Variants in KGD4 observed in about 807,000 individuals in gnomAD.
The protein encoded by KGD4 is alpha-ketoglutarate dehydrogenase component 4.
the KGD4 span, chr5:69,229,339 AAAT>A: frequency 1.2e-6 from 1 of 854,232 alleles, no homozygotes; most frequent in African/African-American, 1.7e-5. Flanking sequence ...ATTATGAAAA[AAAT>A]GAAATATAGA....
chr5:69,220,314 G>C, the KGD4 span, among the ~76,000 whole-genome samples: 16 of 152,028 alleles, frequency 1.1e-4, no homozygotes, highest in Non-Finnish European at 2.2e-4. Flanking sequence ...AAGACTGATT[G>C]GTACAAACTG....
chr5:69,219,337 A>G, the KGD4 span, among the ~76,000 whole-genome samples: 22 of 152,110 alleles, frequency 1.4e-4, no homozygotes, highest in East Asian at 7.7e-4. Flanking sequence ...ATGTTCACAG[A>G]AAAAAAAGAG....
At chr5:69,221,754 T>C in the KGD4 span, among the ~76,000 whole-genome samples, 2 of 152,056 alleles carry the variant, frequency 1.3e-5, no homozygotes, top group Non-Finnish European at 2.9e-5. Flanking sequence ...GAAAAATTAA[T>C]TGATAAGCTG....
At chr5:69,221,450 T>A in the KGD4 span, among the ~76,000 whole-genome samples, 1 of 152,164 alleles carries the variant, frequency 6.6e-6, no homozygotes, top group East Asian at 1.9e-4. Context: ...GAGGCATAGC[T>A]AAAACTAAGA....
chr5:69,227,126 C>T, the KGD4 span, among the ~76,000 whole-genome samples: 4 of 152,146 alleles, frequency 2.6e-5, no homozygotes, highest in Non-Finnish European at 5.9e-5. Flanking sequence ...CTGCCTCCGC[C>T]TCCCAAAGTG....
At chr5:69,227,187 A>T in the KGD4 span, among the ~76,000 whole-genome samples, 1 of 152,106 alleles carries the variant, frequency 6.6e-6, no homozygotes, top group Non-Finnish European at 1.5e-5. Flanking sequence ...CCCCTATTTT[A>T]AAAGGTAGTG....
the KGD4 span, chr5:69,217,865 C>T: frequency 2.5e-6 from 4 of 1,613,886 alleles, no homozygotes; most frequent in South Asian, 4.4e-5. Context: ...CTAGTAGGGT[C>T]GTTCAGGTAA....
the KGD4 span, among the ~76,000 whole-genome samples, chr5:69,219,600 A>G: frequency 6.6e-5 from 10 of 152,226 alleles, no homozygotes; most frequent in Non-Finnish European, 1.0e-4. Flanking sequence ...TGAGATATAC[A>G]GTAAGGAATG....
At chr5:69,224,389 CA>C in the KGD4 span, among the ~76,000 whole-genome samples, 215 of 138,018 alleles carry the variant, frequency 1.6e-3, 1 homozygote, top group Non-Finnish European at 2.0e-3. Context: ...GACTCCATCT[CA>C]AAAAAAAAAA....
chr5:69,218,152 C>T, the KGD4 span: 1 of 524,904 alleles, frequency 1.9e-6, no homozygotes. Flanking sequence ...CGCTCCTCCG[C>T]CAGGACCTTG....
chr5:69,224,156 C>T, the KGD4 span, among the ~76,000 whole-genome samples: 3 of 152,152 alleles, frequency 2.0e-5, no homozygotes, highest in South Asian at 2.1e-4. Context: ...TTTGGGAAGC[C>T]GAAGCAGGTG....
chr5:69,226,284 A>G, the KGD4 span: 17 of 1,252,816 alleles, frequency 1.4e-5, no homozygotes, highest in Non-Finnish European at 2.0e-5. Context: ...GGTTTAGTAG[A>G]TCATTTCTTT....
At chr5:69,229,286 A>T in the KGD4 span, 1 of 1,424,882 alleles carries the variant, frequency 7.0e-7, no homozygotes, top group African/African-American at 1.4e-5. Context: ...AGGACTTCCA[A>T]AATGACAGAT....
chr5:69,226,246 TAATTTTAAC>T, the KGD4 span: 1 of 867,418 alleles, frequency 1.2e-6, no homozygotes, highest in Non-Finnish European at 1.9e-6. Flanking sequence ...TGTAAAATAG[TAATTTTAAC>T]AAACGTATCT....
At chr5:69,222,607 T>C in the KGD4 span, among the ~76,000 whole-genome samples, 2 of 152,154 alleles carry the variant, frequency 1.3e-5, no homozygotes. Flanking sequence ...GGGAGTCTCA[T>C]CTTCTTGCTC....
At chr5:69,225,108 C>T in the KGD4 span, among the ~76,000 whole-genome samples, 1 of 150,354 alleles carries the variant, frequency 6.7e-6, no homozygotes, top group Non-Finnish European at 1.5e-5. Flanking sequence ...AGTAAATTTC[C>T]AGTGTTTTTT....
the KGD4 span, among the ~76,000 whole-genome samples, chr5:69,226,120 G>A: frequency 3.9e-5 from 6 of 152,182 alleles, no homozygotes; most frequent in African/African-American, 1.4e-4. Flanking sequence ...GTACACCTTC[G>A]ATAGTACAAT....
chr5:69,223,159 A>T, the KGD4 span, among the ~76,000 whole-genome samples: 21,495 of 135,846 alleles, frequency 0.16, 1,759 homozygotes, highest in African/African-American at 0.22. Flanking sequence ...GCTCACTGCA[A>T]CCTCTGCCTC....
At chr5:69,228,689 C>T in the KGD4 span, among the ~76,000 whole-genome samples, 17 of 152,018 alleles carry the variant, frequency 1.1e-4, no homozygotes, top group African/African-American at 4.1e-4. Context: ...GACAGGTCAA[C>T]CTTGAGTCCC....
Sources: allele counts gnomAD v4.1 joint callset (sites outside exome capture counted in the v4.1 genomes callset), GRCh38; gene constraint gnomAD v4.1.1; transcripts MANE v1.5; gene names NCBI Gene and HGNC (gene_info 2026-07-23, HGNC 2026-07-21).